Variants in SCARA3 observed in about 807,000 individuals in gnomAD.
The protein encoded by SCARA3 is cellular stress response gene protein.
SCARA3 carries 39 observed loss-of-function variants against 47.0 expected under a neutral mutation model. The observed-to-expected ratio is 0.83, with a 90% CI of 0.64 to 1.08. The LOEUF (loss-of-function observed/expected upper bound fraction) is 1.08, where lower values mean the gene tolerates loss of function less well. SCARA3 is among the 50% of genes least tolerant of loss of function. The pLI is 0.00. For missense variants in SCARA3, 724 were observed against 792.3 expected (o/e 0.91, Z 1.04); for synonymous variants, 356 against 334.1 (o/e 1.07, Z -0.71).
chr8:27,659,473 G>C lies in SCARA3; in HGVS notation c.1303G>C (p.Val435Leu), dbSNP rs768916344. Reference sequence around the variant, plus strand: ...CAACGTCCGGAACCTCTCCATGATCGTGGAGGAGATGAAGGCAGTGGACAC... The same window carrying C: ...CAACGTCCGGAACCTCTCCATGATCCTGGAGGAGATGAAGGCAGTGGACAC... Reference protein sequence around the residue: ...DLNVRNLSMIVEEMKAVDTQH... With the variant: ...DLNVRNLSMILEEMKAVDTQH... The change falls in exon 5 of 6, where the codon GTG becomes CTG. Residue 435 changes from valine (V) to leucine (L), a missense_variant. Transcript: ENST00000301904. The C allele has an allele frequency of 6.2e-7, 1 of 1,614,000 alleles. No individual in the cohort carries two copies. The highest frequency in any genetic ancestry group is 1.7e-5 in the Admixed American group (1 of 59,996).
chr8:27,707,148 T>G, the SCARA3 span, among the ~76,000 whole-genome samples: 1 of 152,290 alleles, frequency 6.6e-6, no homozygotes, highest in Admixed American at 6.5e-5. Flanking sequence ...AGCCCCTTCC[T>G]TTTGTCCTAC....
chr8:27,670,507 G>T (rs1802121061), intron 5 of SCARA3, among the ~76,000 whole-genome samples: 1 of 152,146 alleles, frequency 6.6e-6, no homozygotes. Context: ...CATGTCACCT[G>T]ACTTGAACCC....
chr8:27,656,928 G>A (rs879108372), intron 4 of SCARA3, 48 bp downstream of exon 4: 1 of 1,271,478 alleles, frequency 7.9e-7, no homozygotes, highest in Middle Eastern at 1.9e-4. Context: ...TCAGGGTGGG[G>A]CAGGGGTGCC....
the SCARA3 span, among the ~76,000 whole-genome samples, chr8:27,681,885 T>G: frequency 6.6e-6 from 1 of 152,210 alleles, no homozygotes. Context: ...AATTCCAGCA[T>G]GTATTGTTTT....
downstream of SCARA3, among the ~76,000 whole-genome samples, chr8:27,674,391 G>A (rs1446515839): frequency 1.3e-5 from 2 of 152,192 alleles, no homozygotes; most frequent in Non-Finnish European, 2.9e-5. Context: ...CTTCATCACT[G>A]TGGGACCTTA....
chr8:27,696,879 G>A, the SCARA3 span, among the ~76,000 whole-genome samples: 1 of 152,114 alleles, frequency 6.6e-6, no homozygotes, highest in Non-Finnish European at 1.5e-5. Flanking sequence ...ATTGCCAGGG[G>A]CAGTGATGGG....
intron 1 of SCARA3, among the ~76,000 whole-genome samples, chr8:27,641,391 G>T (rs527800819): frequency 1.3e-5 from 2 of 152,362 alleles, no homozygotes; most frequent in South Asian, 4.1e-4. Context: ...AAAGGAGGGG[G>T]TGAGCTCATC....
Position 27,659,157 on chromosome 8 carries a change from G to C in SCARA3, c.987G>C (p.Gln329His). 6.2e-7 allele frequency: 1 copy of C among 1,614,132 alleles called. No individual in the cohort carries two copies. Among genetic ancestry groups the C allele is most frequent in the Non-Finnish European group, 8.5e-7 (1 of 1,180,030 alleles). The change falls in exon 5 of 6, where the codon CAG (glutamine) becomes CAC (histidine). Residue 329 changes from glutamine to histidine, a missense_variant. By Grantham distance (24) the Gln-to-His change is conservative. Transcript: ENST00000301904. ...ACGAAGAGAACATGCATGATCTTCA[G>C]TACCATACCCACTACGCCCAGAACC... ...DDHEENMHDL[Q>H]YHTHYAQNRT...
downstream of SCARA3, among the ~76,000 whole-genome samples, chr8:27,681,291 G>A (rs532957201): frequency 1.3e-5 from 2 of 151,840 alleles, no homozygotes; most frequent in Non-Finnish European, 2.9e-5. Context: ...AGCCTACAAG[G>A]TCAATATACA....
chr8:27,674,725 CTTT>C (rs71553874), downstream of SCARA3, among the ~76,000 whole-genome samples: 1 of 106,250 alleles, frequency 9.4e-6, no homozygotes, highest in African/African-American at 3.3e-5. Context: ...TTTTCTCTCT[CTTT>C]TTTTTTTTTT....
At chr8:27,670,095 A>G (rs1342143287) in intron 5 of SCARA3, among the ~76,000 whole-genome samples, 3 of 151,808 alleles carry the variant, frequency 2.0e-5, no homozygotes, top group Non-Finnish European at 2.9e-5. Context: ...CATCTTGGCA[A>G]CTCCCGCAGG....
intron 3 of SCARA3, among the ~76,000 whole-genome samples, chr8:27,654,185 C>T (rs1563406473): frequency 6.6e-6 from 1 of 152,142 alleles, no homozygotes; most frequent in Non-Finnish European, 1.5e-5. Context: ...AAAAATGCTA[C>T]TTGTAGAATC....
chr8:27,727,075 C>T, the SCARA3 span, among the ~76,000 whole-genome samples: 90 of 152,224 alleles, frequency 5.9e-4, no homozygotes, highest in African/African-American at 2.1e-3. Context: ...CGCGCCCAGC[C>T]GACAGCATTT....
intron 5 of SCARA3, among the ~76,000 whole-genome samples, chr8:27,667,285 G>A (rs954691776): frequency 2.6e-5 from 4 of 152,224 alleles, no homozygotes; most frequent in African/African-American, 9.6e-5. Context: ...TGCCTGGCCT[G>A]GAGGGCAGGT....
At chr8:27,694,596 G>A in the SCARA3 span, among the ~76,000 whole-genome samples, 2 of 152,176 alleles carry the variant, frequency 1.3e-5, no homozygotes, top group African/African-American at 4.8e-5. Flanking sequence ...GAATGAGCAG[G>A]GAGTTGAGGA....
chr8:27,679,313 G>A (rs1404457074), downstream of SCARA3, among the ~76,000 whole-genome samples: 1 of 152,078 alleles, frequency 6.6e-6, no homozygotes, highest in Non-Finnish European at 1.5e-5. Flanking sequence ...TCTAAAACAT[G>A]TTTTGTTAAA....
the SCARA3 span, among the ~76,000 whole-genome samples, chr8:27,729,371 C>A: frequency 6.6e-6 from 1 of 152,188 alleles, no homozygotes; most frequent in East Asian, 1.9e-4. Context: ...CTTTCCTCAC[C>A]CTCCCACAGG....
intron 4 of SCARA3, 107 bp from the exon 5 acceptor site, chr8:27,658,389 T>C: frequency 9.5e-7 from 1 of 1,056,832 alleles, no homozygotes; most frequent in Non-Finnish European, 1.4e-6. Flanking sequence ...GAAGTTGGTT[T>C]GGGAAGCTAC....
the SCARA3 span, among the ~76,000 whole-genome samples, chr8:27,686,149 A>G: frequency 6.6e-6 from 1 of 152,186 alleles, no homozygotes; most frequent in Non-Finnish European, 1.5e-5. Flanking sequence ...TTATGTTAAG[A>G]AATTATTGTT....
Sources: gnomAD v4.1 joint callset for allele counts (sites outside exome capture counted in the v4.1 genomes callset) on GRCh38, gnomAD v4.1.1 for gene constraint, MANE v1.5 for transcripts, NCBI Gene and HGNC (gene_info 2026-07-23, HGNC 2026-07-21) for gene names.